Variants in GPD2 observed in about 807,000 individuals in gnomAD.
GPD2 encodes the protein glycerol-3-phosphate dehydrogenase, mitochondrial.
Under a neutral mutation model 82.4 loss-of-function variants are expected in GPD2, and 54 were observed. That is an observed-to-expected ratio of 0.66 (90% CI 0.53 to 0.82). The LOEUF is 0.82. GPD2 is among the 40% of genes least tolerant of loss of function. The probability of loss-of-function intolerance (pLI) is 0.00; values close to 1 mark genes in which losing one functional copy is unlikely to be tolerated. For missense variants in GPD2, 748 were observed against 896.2 expected (o/e 0.83, Z 2.11); for synonymous variants, 288 against 306.1 (o/e 0.94, Z 0.62).
At chr2:156,401,153 G>T in the GPD2 span, among the ~76,000 whole-genome samples, 1 of 151,958 alleles carries the variant, frequency 6.6e-6, no homozygotes, top group Admixed American at 6.6e-5. Flanking sequence ...AACTTGCATT[G>T]GCCGGGAATC....
intron 3 of GPD2, among the ~76,000 whole-genome samples, chr2:156,506,239 A>G (rs183214251): frequency 6.6e-6 from 1 of 152,334 alleles, no homozygotes; most frequent in East Asian, 1.9e-4. Context: ...TTAATATATC[A>G]ATTTAGCTAT....
chr2:156,499,876 G>A (rs1024640733), intron 3 of GPD2, among the ~76,000 whole-genome samples: 3 of 151,112 alleles, frequency 2.0e-5, no homozygotes, highest in Non-Finnish European at 4.4e-5. Context: ...TCTGAGAATA[G>A]TAAGACTAGT....
intron 6 of GPD2, among the ~76,000 whole-genome samples, chr2:156,546,415 A>G (rs1479415302): frequency 1.3e-5 from 2 of 152,196 alleles, no homozygotes; most frequent in Non-Finnish European, 2.9e-5. Context: ...AATGTCAGGA[A>G]AGAGGGTTGG....
chr2:156,405,913 T>A, the GPD2 span, among the ~76,000 whole-genome samples: 1 of 152,214 alleles, frequency 6.6e-6, no homozygotes, highest in Non-Finnish European at 1.5e-5. Flanking sequence ...TTGGAGCACT[T>A]GCTCAAGGTA....
chr2:156,580,877 G>GA (rs1688003302), intron 16 of GPD2, among the ~76,000 whole-genome samples: 1 of 152,094 alleles, frequency 6.6e-6, no homozygotes, highest in South Asian at 2.1e-4. Flanking sequence ...TTATGCTTGG[G>GA]AATTAAAACA....
At chr2:156,491,078 C>G (rs897294522) in intron 2 of GPD2, among the ~76,000 whole-genome samples, 1 of 152,206 alleles carries the variant, frequency 6.6e-6, no homozygotes, top group Non-Finnish European at 1.5e-5. Context: ...CCTCACCATT[C>G]TTTCATGCCC....
At chr2:156,550,778 CA>C in intron 8 of GPD2, 32 bp downstream of exon 8, 12 of 1,584,950 alleles carry the variant, frequency 7.6e-6, no homozygotes, top group Non-Finnish European at 9.5e-6. Flanking sequence ...AGTTGTCACC[CA>C]AAAAAGAGGG....
At chr2:156,461,197 C>T (rs1299244007) in intron 1 of GPD2, among the ~76,000 whole-genome samples, 1 of 126,980 alleles carries the variant, frequency 7.9e-6, no homozygotes, top group East Asian at 2.3e-4. Flanking sequence ...GAGACAGGAT[C>T]TCACTCTGTT....
upstream of GPD2, among the ~76,000 whole-genome samples, chr2:156,436,033 G>C (rs1005869300): frequency 4.6e-5 from 7 of 152,348 alleles, no homozygotes; most frequent in Admixed American, 2.6e-4. Flanking sequence ...CAGGGGCGAG[G>C]GCCCTTGCGT....
At chr2:156,581,924 C>G (rs1420286643) in intron 16 of GPD2, among the ~76,000 whole-genome samples, 1 of 151,604 alleles carries the variant, frequency 6.6e-6, no homozygotes, top group African/African-American at 2.4e-5. Flanking sequence ...TACATACATA[C>G]ATAGATACAT....
At chr2:156,521,004 A>G (rs1685386499) in intron 6 of GPD2, among the ~76,000 whole-genome samples, 1 of 152,154 alleles carries the variant, frequency 6.6e-6, no homozygotes, top group African/African-American at 2.4e-5. Context: ...TGATCTAGTA[A>G]TTTTATTAGT....
At chr2:156,446,511 A>G (rs1304398213) in intron 1 of GPD2, among the ~76,000 whole-genome samples, 1 of 152,030 alleles carries the variant, frequency 6.6e-6, no homozygotes, top group Non-Finnish European at 1.5e-5. Flanking sequence ...GTCTAGCTGC[A>G]AGTCCAGGAA....
the GPD2 span, among the ~76,000 whole-genome samples, chr2:156,419,563 T>C: frequency 6.6e-5 from 10 of 152,242 alleles, no homozygotes; most frequent in African/African-American, 2.4e-4. Context: ...ATAGGTCTCA[T>C]TGGGATCTCT....
intron 3 of GPD2, among the ~76,000 whole-genome samples, chr2:156,509,957 AT>A (rs1684934394): frequency 6.6e-6 from 1 of 151,224 alleles, no homozygotes; most frequent in Admixed American, 6.6e-5. Flanking sequence ...AATTTTTTGT[AT>A]TTTTAGTAGA....
At chr2:156,527,744 A>T (rs559039721) in intron 6 of GPD2, among the ~76,000 whole-genome samples, 1 of 152,170 alleles carries the variant, frequency 6.6e-6, no homozygotes, top group Non-Finnish European at 1.5e-5. Flanking sequence ...TTTTATGTCA[A>T]AGATGATTAA....
chr2:156,455,130 C>T (rs1240586862), intron 1 of GPD2, among the ~76,000 whole-genome samples: 1 of 152,074 alleles, frequency 6.6e-6, no homozygotes, highest in Non-Finnish European at 1.5e-5. Flanking sequence ...GTGCTGTCCC[C>T]TCTGTAATGA....
At chr2:156,435,088 G>A (rs908964064), upstream of GPD2, among the ~76,000 whole-genome samples, 1 of 151,990 alleles carries the variant, frequency 6.6e-6, no homozygotes, top group Non-Finnish European at 1.5e-5. Flanking sequence ...TGAAGTTACT[G>A]AGTTTGGGAT....
chr2:156,471,368 A>G (rs1358503339), intron 1 of GPD2, among the ~76,000 whole-genome samples: 3 of 152,234 alleles, frequency 2.0e-5, no homozygotes, highest in Non-Finnish European at 2.9e-5. Context: ...CAGTCTTTAC[A>G]GAACGTTAGA....
chr2:156,581,978 A>G (rs965502316), intron 16 of GPD2, among the ~76,000 whole-genome samples: 5 of 151,948 alleles, frequency 3.3e-5, no homozygotes, highest in Admixed American at 1.3e-4. Flanking sequence ...TATAATGTGT[A>G]TATATATATG....
Sources: allele counts gnomAD v4.1 joint callset (sites outside exome capture counted in the v4.1 genomes callset), GRCh38; gene constraint gnomAD v4.1.1; transcripts MANE v1.5; gene names NCBI Gene and HGNC (gene_info 2026-07-23, HGNC 2026-07-21).